The following TSC22D1 variants were observed in gnomAD, a reference collection of about 807,000 sequenced individuals.
TSC22D1 encodes TSC22 domain family protein 1.
In TSC22D1, 9 loss-of-function variants were observed where a neutral mutation model predicts 74.2. The observed-to-expected ratio is 0.12, with a 90% CI of 0.07 to 0.21. The LOEUF is 0.21. Ranked by LOEUF, TSC22D1 falls within the 10% of genes least tolerant of loss-of-function variation. The probability of loss-of-function intolerance (pLI) is 1.00; values close to 1 mark genes in which losing one functional copy is unlikely to be tolerated. For synonymous variants in TSC22D1, 586 were observed against 492.5 expected (o/e 1.19, Z -2.51); for missense variants, 1,427 against 1,304.7 (o/e 1.09, Z -1.44).
intron 1 of TSC22D1, chr13:44,436,466 C>G: frequency 6.2e-7 from 1 of 1,605,120 alleles, no homozygotes; most frequent in Non-Finnish European, 8.5e-7. Flanking sequence ...AAGTATCCCA[C>G]GAATAAATTT....
At position 44,432,584 on chromosome 13, in the gene TSC22D1, T is replaced by G. The variant is rs1874136987; in HGVS notation, c.*2042A>C. ...CAACAGGATGCCCGTGTCACCACTT[T>G]ATAACACATGCACGCTATCGAACAA... On this transcript the variant is annotated 3_prime_UTR_variant, in exon 3 of 3. Coordinates refer to ENST00000458659, the MANE Select transcript of TSC22D1 (RefSeq NM_183422.4). The G allele has an allele frequency of 6.6e-6, 1 of 152,220 alleles. No homozygotes were observed. The highest frequency in any genetic ancestry group is 1.5e-5 in the Non-Finnish European group (1 of 68,042). 9.4% of individuals were successfully genotyped at this position (152,220 alleles called of 1,614,324 possible). A position where few individuals can be genotyped will look rare whatever the true frequency, so the allele number is the denominator to read the frequency against.
rs776757873 is a variant in TSC22D1, at chr13:44,434,744, T to C, written c.3104A>G (p.Gln1035Arg). ...CAGCTGGGCCTGAAACTGGGCAAGC[T>C]GCTCAGGACTGGCCAGTGTCTTCAG... is the stretch of plus-strand genomic sequence containing the variant. Reference protein sequence around the residue: ...NLLKTLASPEQLAQFQAQLQT... With the variant: ...NLLKTLASPERLAQFQAQLQT... Residue 1035 changes from glutamine (Q) to arginine (R), a missense_variant, in exon 3 of 3, where the codon CAG becomes CGG. Physicochemically the swap from Gln to Arg is conservative, Grantham distance 43 (BLOSUM62 1). Coordinates refer to ENST00000458659, the MANE Select transcript of TSC22D1 (RefSeq NM_183422.4). 6.2e-7 allele frequency: 1 copy of C among 1,613,708 alleles called. No homozygotes were observed. The highest frequency in any genetic ancestry group is 8.5e-7 in the Non-Finnish European group (1 of 1,179,956).
At chr13:44,437,211 G>C (rs1197395770) in intron 1 of TSC22D1, 1 of 985,414 alleles carries the variant, frequency 1.0e-6, no homozygotes, top group Non-Finnish European at 1.2e-6. Context: ...CCGGAGCTGT[G>C]TCCCGCGGCT....
chr13:44,575,150 C>T lies in TSC22D1; in HGVS notation c.925G>A (p.Gly309Ser). Residue 309 changes from glycine (G) to serine (S), a missense_variant, in exon 1 of 3, where the codon GGC (glycine) becomes AGC (serine). Gly to Ser is a moderately conservative substitution (Grantham distance 56). This residue lies in a region of TSC22D1 where 1,343 missense variants were observed against 1,191.5 expected (regional missense o/e 1.13). Coordinates refer to ENST00000458659, the MANE Select transcript of TSC22D1 (RefSeq NM_183422.4). ...TTAACATTATTTACTGTACTAGTGCCAGTAACAGAATTTATACCTATTCCA... is the reference window on the plus strand; with the variant it reads ...TTAACATTATTTACTGTACTAGTGCTAGTAACAGAATTTATACCTATTCCA... ...TGGIGINSVTGTSTVNNVNIT... is the reference protein window; with the variant it reads ...TGGIGINSVTSTSTVNNVNIT... The T allele has an allele frequency of 1.2e-6, 2 of 1,614,150 alleles. No homozygotes were observed. Among genetic ancestry groups the T allele is most frequent in the Non-Finnish European group, 1.7e-6 (2 of 1,180,036 alleles).
chr13:44,540,360 G>A (rs1881394207), intron 1 of TSC22D1, among the ~76,000 whole-genome samples: 1 of 152,124 alleles, frequency 6.6e-6, no homozygotes, highest in Non-Finnish European at 1.5e-5. Flanking sequence ...TATATTAACA[G>A]GAATACTACT....
intron 1 of TSC22D1, among the ~76,000 whole-genome samples, chr13:44,568,408 G>C (rs1000145895): frequency 1.3e-5 from 2 of 151,986 alleles, no homozygotes; most frequent in Non-Finnish European, 2.9e-5. Flanking sequence ...AGAAAACTAG[G>C]CAAAGAGGTA....
chr13:44,440,765 C>T (rs1297274037), intron 1 of TSC22D1, among the ~76,000 whole-genome samples: 2 of 151,862 alleles, frequency 1.3e-5, no homozygotes, highest in Non-Finnish European at 2.9e-5. Context: ...ATGAGATGAC[C>T]AAATGCCCAC....
intron 1 of TSC22D1, among the ~76,000 whole-genome samples, chr13:44,516,010 C>G (rs1879962263): frequency 6.6e-6 from 1 of 152,106 alleles, no homozygotes; most frequent in African/African-American, 2.4e-5. Flanking sequence ...ATACTATTTT[C>G]AAGAGTAGGC....
chr13:44,527,017 A>G (rs1880579261), intron 1 of TSC22D1, among the ~76,000 whole-genome samples: 1 of 152,212 alleles, frequency 6.6e-6, no homozygotes, highest in Admixed American at 6.5e-5. Flanking sequence ...TTCAGGAACC[A>G]TGCAAGCAAG....
intron 1 of TSC22D1, among the ~76,000 whole-genome samples, chr13:44,570,207 T>A (rs967910841): frequency 1.3e-5 from 2 of 151,110 alleles, no homozygotes; most frequent in Middle Eastern, 6.8e-3. Context: ...TTTTTTTTTT[T>A]AGAGACAGGG....
intron 1 of TSC22D1, among the ~76,000 whole-genome samples, chr13:44,572,682 T>C (rs751726579): frequency 2.9e-4 from 44 of 152,310 alleles, no homozygotes; most frequent in African/African-American, 1.0e-3. Flanking sequence ...TTTCCTACCA[T>C]ATCTGACTAG....
At chr13:44,482,887 AT>A (rs1878247196) in intron 1 of TSC22D1, among the ~76,000 whole-genome samples, 2 of 152,208 alleles carry the variant, frequency 1.3e-5, no homozygotes, top group Non-Finnish European at 2.9e-5. Flanking sequence ...AATATGCCAG[AT>A]GTTATTCCAA....
chr13:44,490,211 G>A (rs899163076), intron 1 of TSC22D1, among the ~76,000 whole-genome samples: 1 of 152,050 alleles, frequency 6.6e-6, no homozygotes, highest in African/African-American at 2.4e-5. Context: ...GAACACGGAA[G>A]ATAAGAAACA....
intron 1 of TSC22D1, among the ~76,000 whole-genome samples, chr13:44,545,655 T>A (rs1432004725): frequency 6.6e-6 from 1 of 151,260 alleles, no homozygotes; most frequent in African/African-American, 2.4e-5. Flanking sequence ...GTTACGTTCA[T>A]AAGAGTGCAC....
Position 44,433,736 on chromosome 13 carries a change from A to G in TSC22D1, c.*890T>C, listed in dbSNP as rs1032588520. 1 of 484,744 alleles carries G rather than the reference A, an allele frequency of 2.1e-6. No individual in the cohort carries two copies. Among genetic ancestry groups the G allele is most frequent in the African/African-American group, 2.0e-5 (1 of 48,980 alleles). The allele number at this position is 484,744 out of a possible 1,614,324, so 30.0% of individuals were successfully genotyped here. On this transcript the variant is annotated 3_prime_UTR_variant, in exon 3 of 3. Coordinates refer to ENST00000458659, the MANE Select transcript of TSC22D1 (RefSeq NM_183422.4). ...CAGCTCAATTGAAAGACTTCAGTGA[A>G]CAAGGATTTACTTCAGCGTATTCAG...
chr13:44,511,737 T>A (rs890692460), intron 1 of TSC22D1, among the ~76,000 whole-genome samples: 21 of 152,310 alleles, frequency 1.4e-4, no homozygotes, highest in East Asian at 7.7e-4. Context: ...TGATTTTTTT[T>A]AAATGCTGCC....
chr13:44,534,775 T>C (rs1011190783), intron 1 of TSC22D1, among the ~76,000 whole-genome samples: 9 of 152,212 alleles, frequency 5.9e-5, no homozygotes, highest in African/African-American at 1.2e-4. Context: ...AGTCAAGCAA[T>C]TGTTTTCTAA....
chr13:44,534,665 CAAT>C (rs948677799), intron 1 of TSC22D1, among the ~76,000 whole-genome samples: 9 of 152,058 alleles, frequency 5.9e-5, no homozygotes, highest in Non-Finnish European at 1.3e-4. Flanking sequence ...TACCAGGCAA[CAAT>C]ATTATTTCTT....
At position 44,573,481 on chromosome 13, in the gene TSC22D1, T is replaced by C. The variant is rs1883925676; in HGVS notation, c.2594A>G (p.Asn865Ser). ...ACTAACACTTTGAACCAAATTACCA[T>C]TTTGGGTAGCAGGGGTTTGTGCTAT... is the stretch of plus-strand genomic sequence containing the variant. ...QNIAQTPATQNGNLVQSVSQP... is the reference protein window; with the variant it reads ...QNIAQTPATQSGNLVQSVSQP... Residue 865 changes from asparagine to serine, a missense_variant, in exon 1 of 3, where the codon AAT becomes AGT. Asn to Ser is a conservative substitution (Grantham distance 46). This residue lies in a region of TSC22D1 where 1,343 missense variants were observed against 1,191.5 expected (regional missense o/e 1.13). Transcript: ENST00000458659. 4 of 1,614,186 alleles carry C rather than the reference T, an allele frequency of 2.5e-6. No individual in the cohort carries two copies. Among genetic ancestry groups the C allele is most frequent in the Middle Eastern group, 1.6e-4 (1 of 6,062 alleles).
Sources: gnomAD v4.1 joint callset for allele counts (sites outside exome capture counted in the v4.1 genomes callset) on GRCh38, gnomAD v4.1.1 for gene constraint, gnomAD v4.1.1 regional missense constraint, MANE v1.5 for transcripts, NCBI Gene and HGNC (gene_info 2026-07-23, HGNC 2026-07-21) for gene names.